GPR39: variants seen among roughly 807,000 people sequenced by gnomAD.
The protein encoded by GPR39 is zinc sensing receptor.
Under a neutral mutation model 18.4 loss-of-function variants are expected in GPR39, and 23 were observed. The ratio of observed to expected loss-of-function variants is 1.25; its 90% CI spans 0.90 to 1.77. The LOEUF is 1.77. Among genes scored for constraint, GPR39 ranks in the 40% most tolerant of loss-of-function variants. The pLI is 0.00. For synonymous variants in GPR39, 280 were observed against 257.9 expected, an observed-to-expected ratio of 1.09 and a Z score of -0.82; for missense variants, 647 against 602.4, an observed-to-expected ratio of 1.07 and a Z score of -0.78.
intron 1 of GPR39, among the ~76,000 whole-genome samples, chr2:132,631,899 T>A (rs1427516058): frequency 6.6e-6 from 1 of 151,530 alleles, no homozygotes; most frequent in Non-Finnish European, 1.5e-5. Context: ...CTTGGCTCAC[T>A]GCAACCTCTG....
At chr2:132,499,947 T>G (rs974697651) in intron 1 of GPR39, among the ~76,000 whole-genome samples, 7 of 152,214 alleles carry the variant, frequency 4.6e-5, no homozygotes, top group African/African-American at 1.7e-4. Flanking sequence ...CCTGAAACTT[T>G]GCTGAACTCA....
At chr2:132,461,582 C>T (rs976854706) in intron 1 of GPR39, among the ~76,000 whole-genome samples, 1 of 152,126 alleles carries the variant, frequency 6.6e-6, no homozygotes, top group Non-Finnish European at 1.5e-5. Context: ...TTTCCTCATA[C>T]ATTTAGCATT....
intron 1 of GPR39, among the ~76,000 whole-genome samples, chr2:132,554,739 C>T (rs1157053814): frequency 5.3e-5 from 8 of 152,270 alleles, no homozygotes; most frequent in South Asian, 4.1e-4. Context: ...CTTTGCAGCA[C>T]GGCTCATTTC....
chr2:132,437,763 A>G (rs1680352086), intron 1 of GPR39, among the ~76,000 whole-genome samples: 1 of 152,184 alleles, frequency 6.6e-6, no homozygotes, highest in East Asian at 1.9e-4. Flanking sequence ...AAATTGCAAG[A>G]CACCAGGGAA....
At chr2:132,553,108 T>G (rs1302018191) in intron 1 of GPR39, among the ~76,000 whole-genome samples, 1 of 151,260 alleles carries the variant, frequency 6.6e-6, no homozygotes, top group Admixed American at 6.6e-5. Context: ...GTATTTTTAG[T>G]AGAGATGGGG....
intron 1 of GPR39, among the ~76,000 whole-genome samples, chr2:132,479,734 C>A (rs1281513151): frequency 6.6e-6 from 1 of 152,206 alleles, no homozygotes; most frequent in African/African-American, 2.4e-5. Context: ...GAAATTGGAA[C>A]CCTTGGGCAC....
chr2:132,602,401 G>A (rs1410572115), intron 1 of GPR39, among the ~76,000 whole-genome samples: 4 of 152,054 alleles, frequency 2.6e-5, no homozygotes, highest in Non-Finnish European at 5.9e-5. Flanking sequence ...ATTGGATAAA[G>A]ATTTAAATAA....
At chr2:132,422,081 A>G (rs1341225085) in intron 1 of GPR39, among the ~76,000 whole-genome samples, 2 of 152,260 alleles carry the variant, frequency 1.3e-5, no homozygotes, top group Non-Finnish European at 2.9e-5. Flanking sequence ...AATGAATCCA[A>G]TGTGGCTTGA....
chr2:132,417,758 C>T lies in GPR39; in HGVS notation c.716C>T (p.Ala239Val), dbSNP rs1052046964. 6.2e-7 allele frequency: 1 copy of T among 1,614,088 alleles called. No individual in the cohort carries two copies. Among genetic ancestry groups the T allele is most frequent in the Non-Finnish European group, 8.5e-7 (1 of 1,180,048 alleles). The change falls in exon 1 of 2, where the codon GCC becomes GTC. Residue 239 changes from alanine to valine, a missense_variant. By Grantham distance (64) the Ala-to-Val change is moderately conservative. Coordinates refer to ENST00000329321, the MANE Select transcript of GPR39 (RefSeq NM_001508.3). ...TACCTCGTGGTCCTGCTCTCCGTAG[C>T]CTTCATGTGCTGGAACATGATGCAG... ...VVYLVVLLSV[A>V]FMCWNMMQVL...
chr2:132,473,552 G>A (rs185771621), intron 1 of GPR39, among the ~76,000 whole-genome samples: 20 of 152,038 alleles, frequency 1.3e-4, no homozygotes, highest in Admixed American at 1.1e-3. Context: ...CATCACTAAT[G>A]GATATTGAAA....
At chr2:132,421,413 A>G (rs1053975787) in intron 1 of GPR39, among the ~76,000 whole-genome samples, 2 of 152,106 alleles carry the variant, frequency 1.3e-5, no homozygotes, top group African/African-American at 4.8e-5. Context: ...ACTAGAGGGC[A>G]GTGATTGGCT....
intron 1 of GPR39, among the ~76,000 whole-genome samples, chr2:132,445,083 A>G (rs1402644542): frequency 6.6e-6 from 1 of 152,212 alleles, no homozygotes; most frequent in African/African-American, 2.4e-5. Flanking sequence ...TTAAAAAATT[A>G]TAGAATAATC....
At chr2:132,560,108 G>A (rs1219540297) in intron 1 of GPR39, among the ~76,000 whole-genome samples, 1 of 152,064 alleles carries the variant, frequency 6.6e-6, no homozygotes, top group Non-Finnish European at 1.5e-5. Context: ...AGCCAGCTTA[G>A]CTCTCTTTCC....
chr2:132,501,865 AGTTT>A (rs1187893171), intron 1 of GPR39, among the ~76,000 whole-genome samples: 1 of 152,064 alleles, frequency 6.6e-6, no homozygotes, highest in Non-Finnish European at 1.5e-5. Flanking sequence ...GTTGCTTTAA[AGTTT>A]GTTTGGCCTA....
intron 1 of GPR39, chr2:132,644,845 G>C (rs1341487139): frequency 2.0e-6 from 1 of 491,834 alleles, no homozygotes; most frequent in Non-Finnish European, 3.6e-6. Context: ...ACATCAACTG[G>C]TATAAATACA....
intron 1 of GPR39, among the ~76,000 whole-genome samples, chr2:132,490,918 G>T (rs748951045): frequency 2.6e-5 from 4 of 152,156 alleles, no homozygotes; most frequent in Non-Finnish European, 4.4e-5. Flanking sequence ...GGGCTAAAGG[G>T]GCTGCGAAGG....
At chr2:132,584,252 C>T (rs1209947037) in intron 1 of GPR39, among the ~76,000 whole-genome samples, 10 of 152,102 alleles carry the variant, frequency 6.6e-5, no homozygotes, top group South Asian at 2.1e-4. Context: ...TGCAATGAGT[C>T]CTGAGAACAA....
intron 1 of GPR39, among the ~76,000 whole-genome samples, chr2:132,612,873 G>A (rs988348766): frequency 6.6e-6 from 1 of 152,082 alleles, no homozygotes; most frequent in Non-Finnish European, 1.5e-5. Flanking sequence ...GATTTTCATT[G>A]ATCTAAAATC....
chr2:132,536,777 A>G (rs1390677099), intron 1 of GPR39, among the ~76,000 whole-genome samples: 1 of 152,222 alleles, frequency 6.6e-6, no homozygotes, highest in Non-Finnish European at 1.5e-5. Flanking sequence ...TATATTTAGG[A>G]TAGTTTGCAC....
Sources: allele counts gnomAD v4.1 joint callset (sites outside exome capture counted in the v4.1 genomes callset), GRCh38; gene constraint gnomAD v4.1.1; transcripts MANE v1.5; gene names NCBI Gene and HGNC (gene_info 2026-07-23, HGNC 2026-07-21).